DMXL1: variants seen among roughly 807,000 people sequenced by gnomAD.
DMXL1 encodes Dmx like 1, also known as dmX-like protein 1.
In DMXL1, 99 loss-of-function variants were observed where a neutral mutation model predicts 319.2. The observed-to-expected ratio is 0.31, with a 90% CI of 0.26 to 0.37. The LOEUF (loss-of-function observed/expected upper bound fraction) is 0.37, where lower values mean the gene tolerates loss of function less well. DMXL1 is among the 10% of genes least tolerant of loss of function. The pLI is 1.00. For missense variants in DMXL1, 3,745 were observed against 3,595.6 expected (o/e 1.04, Z -1.06); for synonymous variants, 1,385 against 1,235.2 (o/e 1.12, Z -2.54).
intron 10 of DMXL1, among the ~76,000 whole-genome samples, chr5:119,129,878 A>G (rs1764432982): frequency 6.6e-6 from 1 of 152,220 alleles, no homozygotes; most frequent in Non-Finnish European, 1.5e-5. Context: ...AGAGAGAGTT[A>G]GAGAGAAAGA....
At chr5:119,237,636 A>G (rs557418159) in intron 40 of DMXL1, among the ~76,000 whole-genome samples, 3 of 152,146 alleles carry the variant, frequency 2.0e-5, no homozygotes, top group African/African-American at 4.8e-5. Flanking sequence ...CATGTATAGA[A>G]GCAACATGAT....
chr5:119,164,545 G>A lies in DMXL1; in HGVS notation c.4741G>A (p.Val1581Ile), dbSNP rs1773010102. 6.2e-7 allele frequency: 1 copy of A among 1,613,910 alleles called. No homozygotes were observed. The highest frequency in any genetic ancestry group is 8.5e-7 in the Non-Finnish European group (1 of 1,179,938). Residue 1581 changes from valine to isoleucine, a missense_variant, in exon 20 of 44, where the codon GTA becomes ATA. Transcript: ENST00000539542. The part of the protein sequence containing the change: ...TSHFAWAFHS[V>I]AEEELLNMLP... ...TCATTTTGCTTGGGCATTTCACTCAGTAGCAGAAGAAGAACTGCTGAACAT... is the reference window on the plus strand; with the variant it reads ...TCATTTTGCTTGGGCATTTCACTCAATAGCAGAAGAAGAACTGCTGAACAT...
chr5:119,239,151 G>A, intron 41 of DMXL1, 71 bp downstream of exon 41: 3 of 1,495,090 alleles, frequency 2.0e-6, no homozygotes, highest in Non-Finnish European at 1.8e-6. Flanking sequence ...TTCTGTCCTT[G>A]TGTTTGACTA....
chr5:119,240,601 G>T (rs779148713), intron 42 of DMXL1, 130 bp downstream of exon 42: 21 of 670,624 alleles, frequency 3.1e-5, no homozygotes, highest in Non-Finnish European at 5.2e-5. Flanking sequence ...GCCCAGGATG[G>T]CAGGATTTGA....
At chr5:119,208,570 A>G (rs1782164469) in intron 34 of DMXL1, among the ~76,000 whole-genome samples, 1 of 152,170 alleles carries the variant, frequency 6.6e-6, no homozygotes, top group Non-Finnish European at 1.5e-5. Flanking sequence ...ATAAAATGCT[A>G]ATAATCATAA....
At position 119,133,640 on chromosome 5, in the gene DMXL1, C is replaced by G; in HGVS notation, c.1716C>G (p.Ser572=). The change falls in exon 12 of 44, where the codon TCC becomes TCG. Residue 572 remains serine (S), a synonymous_variant. Transcript: ENST00000539542. ...GKQKPSGLTR[S]TSMLISSGHN... ...AAAAACCTTCTGGCCTCACCCGTTC[C>G]ACATCAATGCTTATTTCTTCTGGTC... is the stretch of plus-strand genomic sequence containing the variant. 1 of 1,614,144 alleles carries G rather than the reference C, an allele frequency of 6.2e-7. No individual in the cohort carries two copies. The highest frequency in any genetic ancestry group is 8.5e-7 in the Non-Finnish European group (1 of 1,180,014).
intron 32 of DMXL1, among the ~76,000 whole-genome samples, chr5:119,203,026 C>G: frequency 6.6e-6 from 1 of 151,042 alleles, no homozygotes; most frequent in Admixed American, 6.6e-5. Flanking sequence ...AATCTGAAAA[C>G]ATATGAAATT....
In DMXL1 at chr5:119,239,093, AGCTAAAATT is replaced by A. The variant is rs1220149866; in HGVS notation, c.8651+15_8651+23del. The A allele has an allele frequency of 6.2e-7, 1 of 1,612,958 alleles. No individual in the cohort carries two copies. ...CAACTGACAATAGGTAAGAGATGAT[AGCTAAAATT>A]GAAGTATGAGAAAGTATAGCTGAAC... On this transcript the variant is annotated intron_variant, in intron 41 of 43. Transcript: ENST00000539542.
intron 23 of DMXL1, among the ~76,000 whole-genome samples, chr5:119,169,970 A>T (rs888641720): frequency 6.6e-6 from 1 of 152,196 alleles, no homozygotes; most frequent in Non-Finnish European, 1.5e-5. Context: ...ACTTGTTTCA[A>T]TGGGAAAGCA....
In DMXL1 at chr5:119,171,796, T is replaced by G; in HGVS notation, c.6508T>G (p.Phe2170Val). The G allele has an allele frequency of 6.2e-7, 1 of 1,611,418 alleles. No individual in the cohort carries two copies. Among genetic ancestry groups the G allele is most frequent in the Middle Eastern group, 1.7e-4 (1 of 6,054 alleles). ...ESQQETSEPL[F>V]SSPLSEQTSV... The stretch of plus-strand genomic sequence containing the variant: ...TTTTAAGGAAACATCAGAACCACTA[T>G]TTTCTAGCCCTCTGTCAGAGCAAAC... Residue 2170 changes from phenylalanine to valine, a missense_variant, in exon 25 of 44, where the codon TTT becomes GTT. Phe to Val is a conservative substitution (Grantham distance 50, BLOSUM62 -1). Transcript: ENST00000539542.
intron 28 of DMXL1, among the ~76,000 whole-genome samples, chr5:119,182,970 T>C (rs4451082): frequency 0.038 from 5,806 of 152,278 alleles, 130 homozygotes; most frequent in Non-Finnish European, 0.057. Context: ...AGAATTGTTA[T>C]TGTGTTTTGT....
chr5:119,174,329 C>G (rs1245308127), intron 25 of DMXL1, among the ~76,000 whole-genome samples: 1 of 144,914 alleles, frequency 6.9e-6, no homozygotes, highest in East Asian at 2.1e-4. Flanking sequence ...ACTCACACTT[C>G]ACTTCTGTTG....
intron 11 of DMXL1, 41 bp downstream of exon 11, chr5:119,133,426 TG>T: frequency 6.3e-7 from 1 of 1,589,034 alleles, no homozygotes; most frequent in South Asian, 1.2e-5. Context: ...CTTGTTTATG[TG>T]GGTACTATTT....
chr5:119,207,790 A>C (rs1467514557), intron 34 of DMXL1, among the ~76,000 whole-genome samples: 2 of 152,050 alleles, frequency 1.3e-5, no homozygotes, highest in African/African-American at 4.8e-5. Flanking sequence ...CCAAAGTGCT[A>C]GGATTACAGG....
At chr5:119,244,616 C>A in intron 43 of DMXL1, 40 bp downstream of exon 43, 1 of 1,460,242 alleles carries the variant, frequency 6.8e-7, no homozygotes, top group Non-Finnish European at 9.6e-7. Flanking sequence ...AAAATGAAAT[C>A]TTCAGAAACC....
Position 119,203,414 on chromosome 5 carries a change from C to A in DMXL1, c.7841C>A (p.Thr2614Lys). 1 of 1,600,894 alleles carries A rather than the reference C, an allele frequency of 6.2e-7. No individual in the cohort carries two copies. Among genetic ancestry groups the A allele is most frequent in the Admixed American group, 1.7e-5 (1 of 57,680 alleles). The change falls in exon 33 of 44, where the codon ACA becomes AAA. Residue 2614 changes from threonine (T) to lysine (K), a missense_variant. Around this residue, in one of 4 missense-constraint regions of DMXL1, gnomAD observed 1,382 missense variants for 1,269.5 expected, o/e 1.09. Transcript: ENST00000539542. Reference protein sequence around the residue: ...IQETFIKNIFTKKRCLNESLE... With the variant: ...IQETFIKNIFKKKRCLNESLE... ...GAAACCTTTATCAAAAATATATTCA[C>A]AAAGAAACGGTGTCTAAATGAGGTC...
chr5:119,187,312 A>G (rs1028236441), intron 28 of DMXL1, among the ~76,000 whole-genome samples: 7 of 152,330 alleles, frequency 4.6e-5, no homozygotes, highest in African/African-American at 1.7e-4. Context: ...TAGTAGAACC[A>G]TAGGGTTAGT....
At chr5:119,204,328 TG>T (rs1018106852) in intron 33 of DMXL1, among the ~76,000 whole-genome samples, 4 of 152,078 alleles carry the variant, frequency 2.6e-5, no homozygotes, top group African/African-American at 9.7e-5. Context: ...TGGTAGAGAC[TG>T]GGTTTCACCA....
intron 26 of DMXL1, among the ~76,000 whole-genome samples, chr5:119,176,263 T>C (rs1290427666): frequency 2.0e-5 from 3 of 152,068 alleles, no homozygotes; most frequent in Non-Finnish European, 4.4e-5. Flanking sequence ...ATAAGTTGGG[T>C]TTCTCAGGTG....
Sources: gnomAD v4.1 joint callset for allele counts (sites outside exome capture counted in the v4.1 genomes callset) on GRCh38, gnomAD v4.1.1 for gene constraint, gnomAD v4.1.1 regional missense constraint, MANE v1.5 for transcripts, NCBI Gene and HGNC (gene_info 2026-07-23, HGNC 2026-07-21) for gene names.